The following SLCO6A1 variants were observed in gnomAD, a reference collection of about 807,000 sequenced individuals.
SLCO6A1 encodes solute carrier organic anion transporter family member 6A1.
Under a neutral mutation model 72.7 loss-of-function variants are expected in SLCO6A1, and 65 were observed. The observed-to-expected ratio is 0.89, with a 90% confidence interval of 0.73 to 1.10. The LOEUF (loss-of-function observed/expected upper bound fraction) is 1.10. Among genes scored for constraint, SLCO6A1 ranks in the 50% least tolerant of loss-of-function variants. The pLI, the probability that SLCO6A1 is intolerant of heterozygous loss-of-function variation, is 0.00. For missense variants in SLCO6A1, 874 were observed against 872.6 expected, an observed-to-expected ratio of 1.00 and a Z score of -0.02; for synonymous variants, 314 against 298.2, an observed-to-expected ratio of 1.05 and a Z score of -0.55.
chr5:102,411,467 G>A (rs1366498124), intron 9 of SLCO6A1, among the ~76,000 whole-genome samples: 1 of 152,072 alleles, frequency 6.6e-6, no homozygotes, highest in Non-Finnish European at 1.5e-5. Flanking sequence ...GTTTCGCCAT[G>A]TTGCCCAGGC....
chr5:102,489,888 A>T (rs1238790076), intron 1 of SLCO6A1, among the ~76,000 whole-genome samples: 1 of 152,220 alleles, frequency 6.6e-6, no homozygotes, highest in Non-Finnish European at 1.5e-5. Context: ...TGTGGTATAT[A>T]TACATAATGG....
chr5:102,491,691 G>A (rs1319793986), intron 1 of SLCO6A1, among the ~76,000 whole-genome samples: 1 of 152,246 alleles, frequency 6.6e-6, no homozygotes, highest in Non-Finnish European at 1.5e-5. Flanking sequence ...TGGCCCGCAA[G>A]CGCGGTGCGC....
In SLCO6A1 at chr5:102,418,904, G is replaced by A. The variant is rs137864432; in HGVS notation, c.1472+922C>T. ...CAGCAAATTTCTTGAGTTATAAGCCGGCAGAGTGTTGCATCATTTGTTTAC... is the reference window on the plus strand; with the variant it reads ...CAGCAAATTTCTTGAGTTATAAGCCAGCAGAGTGTTGCATCATTTGTTTAC... On this transcript the variant is annotated intron_variant, in intron 8 of 13. Coordinates refer to ENST00000506729, the MANE Select transcript of SLCO6A1 (RefSeq NM_173488.5). 2.2e-3 allele frequency among the ~76,000 whole-genome samples: 332 copies of A among 152,000 alleles called. 3 individuals carry two copies. Among genetic ancestry groups the A allele is most frequent in the African/African-American group, 7.3e-3 (303 of 41,458 alleles).
At chr5:102,400,405 T>C (rs2112551514) in intron 9 of SLCO6A1, among the ~76,000 whole-genome samples, 1 of 152,076 alleles carries the variant, frequency 6.6e-6, no homozygotes, top group South Asian at 2.1e-4. Context: ...TTATCATTAT[T>C]AATTTTTTAG....
intron 12 of SLCO6A1, among the ~76,000 whole-genome samples, chr5:102,386,949 T>C (rs1746451309): frequency 6.6e-6 from 1 of 152,176 alleles, no homozygotes; most frequent in Non-Finnish European, 1.5e-5. Context: ...GTGATGCAGG[T>C]CATGTGAAAT....
chr5:102,380,789 T>G (rs1053919478), intron 12 of SLCO6A1, among the ~76,000 whole-genome samples: 1 of 151,992 alleles, frequency 6.6e-6, no homozygotes, highest in Non-Finnish European at 1.5e-5. Flanking sequence ...TAGCCACATG[T>G]GGCAAATGTC....
chr5:102,462,166 A>G (rs1751072187), intron 4 of SLCO6A1, among the ~76,000 whole-genome samples: 1 of 152,198 alleles, frequency 6.6e-6, no homozygotes, highest in Admixed American at 6.5e-5. Flanking sequence ...ATACTTAGGA[A>G]CATACCTAAC....
chr5:102,402,477 T>A (rs1264894336), intron 9 of SLCO6A1, among the ~76,000 whole-genome samples: 3 of 152,120 alleles, frequency 2.0e-5, no homozygotes, highest in Non-Finnish European at 2.9e-5. Context: ...TACTAATGAG[T>A]GTCTTAGCTC....
At chr5:102,404,183 G>A (rs535836975) in intron 9 of SLCO6A1, among the ~76,000 whole-genome samples, 1 of 152,272 alleles carries the variant, frequency 6.6e-6, no homozygotes, top group South Asian at 2.1e-4. Flanking sequence ...TGTTTGATAT[G>A]TATTCTCAAA....
At chr5:102,446,411 A>G (rs1413232865) in intron 6 of SLCO6A1, among the ~76,000 whole-genome samples, 1 of 152,150 alleles carries the variant, frequency 6.6e-6, no homozygotes, top group Non-Finnish European at 1.5e-5. Context: ...ATTTCTGTAC[A>G]TTGATTTTGT....
intron 12 of SLCO6A1, among the ~76,000 whole-genome samples, chr5:102,374,781 T>C (rs1369499435): frequency 1.3e-5 from 2 of 152,168 alleles, no homozygotes; most frequent in Admixed American, 1.3e-4. Flanking sequence ...TTATTCTCTT[T>C]AGGGTATAGC....
At chr5:102,393,267 A>G (rs1299694394) in intron 10 of SLCO6A1, among the ~76,000 whole-genome samples, 1 of 152,174 alleles carries the variant, frequency 6.6e-6, no homozygotes, top group Admixed American at 6.5e-5. Flanking sequence ...ATGGCTTCCC[A>G]TTGTTCTAAG....
intron 7 of SLCO6A1, among the ~76,000 whole-genome samples, chr5:102,430,553 T>C (rs973090772): frequency 3.9e-5 from 6 of 152,206 alleles, no homozygotes; most frequent in Admixed American, 6.5e-5. Context: ...TCTATTCAGA[T>C]GATCATGTGG....
rs140271312 is a variant in SLCO6A1 at position 102,490,584 on chromosome 5, C to T, written c.358+7903G>A. Among the ~76,000 whole-genome samples the T allele has an allele frequency of 6.8e-3, 1,035 of 152,290 alleles. 9 individuals are homozygous for T. Among genetic ancestry groups the T allele is most frequent in the African/African-American group, 0.024 (985 of 41,556 alleles). On this transcript the variant is annotated intron_variant, in intron 1 of 13. Coordinates refer to ENST00000506729, the MANE Select transcript of SLCO6A1 (RefSeq NM_173488.5). The stretch of plus-strand genomic sequence containing the variant: ...CCGCGGACCCTCACGGTGAGTGTTA[C>T]AGTTCTTAAAGGCGGCATGTCTGGA...
intron 1 of SLCO6A1, among the ~76,000 whole-genome samples, chr5:102,488,598 G>A (rs1046764386): frequency 6.6e-6 from 1 of 152,174 alleles, no homozygotes; most frequent in East Asian, 1.9e-4. Context: ...ACTAAGCAAT[G>A]AGAAATTATG....
At chr5:102,429,630 T>C (rs1467188089) in intron 7 of SLCO6A1, among the ~76,000 whole-genome samples, 3 of 151,878 alleles carry the variant, frequency 2.0e-5, no homozygotes, top group Non-Finnish European at 4.4e-5. Context: ...GTGGCCTTAC[T>C]TCTGGGCTGT....
Position 102,475,115 on chromosome 5 carries a change from C to A in SLCO6A1, c.899+582G>T, listed in dbSNP as rs189737584. On this transcript the variant is annotated intron_variant, in intron 4 of 13. Coordinates refer to ENST00000506729, the MANE Select transcript of SLCO6A1 (RefSeq NM_173488.5). ...TATACAAAAGAATTGACAACAGGAT[C>A]TCTGTGGGATATTTGTACACCTGTA... is the stretch of plus-strand genomic sequence containing the variant. 9.9e-5 allele frequency among the ~76,000 whole-genome samples: 15 copies of A among 152,038 alleles called. No homozygotes were observed. In the East Asian group the frequency reaches 2.7e-3, roughly 27 times the overall value.
intron 4 of SLCO6A1, among the ~76,000 whole-genome samples, chr5:102,466,422 AT>A (rs1179283972): frequency 3.4e-4 from 52 of 152,082 alleles, no homozygotes; most frequent in Admixed American, 3.4e-3. Flanking sequence ...TGTCCAGTCT[AT>A]CATTGATGGG....
At chr5:102,492,396 C>T (rs949765095) in intron 1 of SLCO6A1, among the ~76,000 whole-genome samples, 30 of 152,150 alleles carry the variant, frequency 2.0e-4, no homozygotes, top group African/African-American at 6.0e-4. Context: ...CAAGAAAATA[C>T]TCAATGGGTG....
Sources: gnomAD v4.1 joint callset for allele counts (sites outside exome capture counted in the v4.1 genomes callset) on GRCh38, gnomAD v4.1.1 for gene constraint, MANE v1.5 for transcripts, NCBI Gene and HGNC (gene_info 2026-07-23, HGNC 2026-07-21) for gene names.